The following DPP6 variants were observed in gnomAD, a reference collection of about 807,000 sequenced individuals.
DPP6 encodes A-type potassium channel modulatory protein DPP6.
In DPP6, 69 loss-of-function variants were observed where a neutral mutation model predicts 122.6. That is an observed-to-expected ratio of 0.56 (90% confidence interval 0.46 to 0.69). The LOEUF is 0.69. Ranked by LOEUF, DPP6 falls within the 30% of genes least tolerant of loss-of-function variation. DPP6 has a pLI of 0.00. For missense variants in DPP6, 928 were observed against 1,116.9 expected (o/e 0.83, Z 2.41); for synonymous variants, 418 against 433.1 (o/e 0.97, Z 0.43).
intron 8 of DPP6, among the ~76,000 whole-genome samples, chr7:154,768,441 G>A (rs1326995030): frequency 3.3e-5 from 5 of 152,172 alleles, no homozygotes; most frequent in African/African-American, 9.7e-5. Flanking sequence ...TAATAATAGC[G>A]AGTTGAATGG....
intron 1 of DPP6, among the ~76,000 whole-genome samples, chr7:154,426,494 C>T (rs1467376392): frequency 6.6e-6 from 1 of 152,094 alleles, no homozygotes; most frequent in East Asian, 1.9e-4. Flanking sequence ...GAGACAGACA[C>T]GTGTAGAAAA....
chr7:154,266,063 C>G (rs545414015), intron 1 of DPP6, among the ~76,000 whole-genome samples: 146 of 152,280 alleles, frequency 9.6e-4, no homozygotes, highest in African/African-American at 3.4e-3. Context: ...CCATCCCATG[C>G]TCCTGGAGAT....
At chr7:154,807,481 G>A (rs1798773383) in intron 16 of DPP6, among the ~76,000 whole-genome samples, 1 of 152,180 alleles carries the variant, frequency 6.6e-6, no homozygotes, top group Non-Finnish European at 1.5e-5. Context: ...CATCAATAAA[G>A]ATAGGAAAAC....
intron 1 of DPP6, among the ~76,000 whole-genome samples, chr7:154,199,179 G>A (rs537208297): frequency 7.0e-4 from 106 of 152,170 alleles, no homozygotes; most frequent in African/African-American, 2.5e-3. Context: ...AGTTTCAAAT[G>A]CCCACCAACA....
chr7:154,403,372 C>T lies in DPP6; in HGVS notation c.244-42842C>T, dbSNP rs566556416. Among the ~76,000 whole-genome samples the T allele has an allele frequency of 7.2e-4, 110 of 152,266 alleles. 1 individual carries two copies. The highest frequency in any genetic ancestry group is 2.5e-3 in the African/African-American group (105 of 41,552). On this transcript the variant is annotated intron_variant, in intron 1 of 25. Coordinates refer to ENST00000377770, the MANE Select transcript of DPP6 (RefSeq NM_130797.4). This position sits in a 1 kb window ranked among gnomAD's most constrained non-coding sequence, Gnocchi z 4.1. ...TCAGGTACCTTAGGAGGAAAAGGGA[C>T]ATGGTGAGGACTGGAGTTGCGGTAG...
intron 1 of DPP6, among the ~76,000 whole-genome samples, chr7:154,396,476 C>T (rs1815096354): frequency 6.6e-6 from 1 of 152,190 alleles, no homozygotes; most frequent in Non-Finnish European, 1.5e-5. Context: ...TTTCCTATAA[C>T]TTCAGAGAGA....
At chr7:154,202,919 C>G (rs568579542) in intron 1 of DPP6, among the ~76,000 whole-genome samples, 237 of 152,288 alleles carry the variant, frequency 1.6e-3, no homozygotes, top group African/African-American at 5.5e-3. Context: ...TGCATACATA[C>G]ACACGAAGCA....
the DPP6 span, among the ~76,000 whole-genome samples, chr7:153,761,511 C>A: frequency 6.6e-6 from 1 of 152,214 alleles, no homozygotes; most frequent in East Asian, 1.9e-4. Context: ...TCCACTTTTC[C>A]AAACTTTTTC....
the DPP6 span, among the ~76,000 whole-genome samples, chr7:153,759,971 ATCTCTCTC>A: frequency 8.8e-5 from 12 of 136,968 alleles, no homozygotes; most frequent in South Asian, 4.9e-4. Context: ...CTGTTTCTGT[ATCTCTCTC>A]TCTCTCTCTC....
chr7:154,443,310 G>A (rs186536328), intron 1 of DPP6, among the ~76,000 whole-genome samples: 3 of 151,372 alleles, frequency 2.0e-5, no homozygotes, highest in Non-Finnish European at 4.4e-5. Context: ...TCTGCTTATT[G>A]TTTGTCCCTT....
chr7:154,074,836 TGAAAA>T (rs1398263005), intron 1 of DPP6, among the ~76,000 whole-genome samples: 16 of 151,232 alleles, frequency 1.1e-4, no homozygotes, highest in African/African-American at 3.7e-4. Context: ...ACTATTTTCT[TGAAAA>T]GAAATGGAAA....
the DPP6 span, among the ~76,000 whole-genome samples, chr7:153,750,821 C>A: frequency 6.6e-6 from 1 of 152,136 alleles, no homozygotes; most frequent in African/African-American, 2.4e-5. Context: ...TCTTTAAAAT[C>A]TTTGATGGCC....
chr7:154,791,023 T>G (rs1258709039), intron 10 of DPP6, among the ~76,000 whole-genome samples: 1 of 152,036 alleles, frequency 6.6e-6, no homozygotes, highest in Admixed American at 6.6e-5. Flanking sequence ...AGGCCGAGGC[T>G]GGCAGATTAC....
intron 1 of DPP6, among the ~76,000 whole-genome samples, chr7:154,273,152 G>A (rs1035128416): frequency 2.0e-5 from 3 of 152,146 alleles, no homozygotes; most frequent in Admixed American, 6.5e-5. Context: ...TTTGTCCCCA[G>A]GAATTGATTT....
At chr7:153,797,397 A>G in the DPP6 span, among the ~76,000 whole-genome samples, 3 of 151,754 alleles carry the variant, frequency 2.0e-5, no homozygotes, top group Admixed American at 1.3e-4. Context: ...GAGTGTGGAG[A>G]AGGAGGAGGA....
intron 1 of DPP6, among the ~76,000 whole-genome samples, chr7:154,186,189 G>T (rs554385714): frequency 6.6e-6 from 1 of 151,118 alleles, no homozygotes; most frequent in South Asian, 2.1e-4. Flanking sequence ...TGTGTAGATA[G>T]GACTGGGAAC....
chr7:154,739,062 A>G (rs550898403), intron 8 of DPP6, among the ~76,000 whole-genome samples: 39 of 152,304 alleles, frequency 2.6e-4, no homozygotes, highest in Non-Finnish European at 4.1e-4. Flanking sequence ...TCGCAGCCAC[A>G]CTAGTGGAAA....
intron 1 of DPP6, among the ~76,000 whole-genome samples, chr7:154,393,213 T>C (rs1446822719): frequency 6.6e-6 from 1 of 152,206 alleles, no homozygotes; most frequent in Non-Finnish European, 1.5e-5. Context: ...ATTTTTGGAC[T>C]TAAAATGAAG....
chr7:154,408,316 G>A (rs1816292343), intron 1 of DPP6, among the ~76,000 whole-genome samples: 1 of 152,168 alleles, frequency 6.6e-6, no homozygotes. Context: ...TAAGATGTCA[G>A]CTAATGTCAC....
Sources: allele counts gnomAD v4.1 joint callset (sites outside exome capture counted in the v4.1 genomes callset), GRCh38; gene constraint gnomAD v4.1.1; non-coding constraint Gnocchi (gnomAD v3.1); transcripts MANE v1.5; gene names NCBI Gene and HGNC (gene_info 2026-07-23, HGNC 2026-07-21).